The following DNAH5 variants were observed in gnomAD, a reference collection of about 807,000 sequenced individuals.
The protein encoded by DNAH5 is dynein axonemal heavy chain 5.
DNAH5 carries 372 observed loss-of-function variants against 518.2 expected under a neutral mutation model. That is an observed-to-expected ratio of 0.72 (90% CI 0.66 to 0.78). The LOEUF is 0.78. Ranked by LOEUF, DNAH5 falls within the 30% of genes least tolerant of loss-of-function variation. The pLI is 0.00. For synonymous variants in DNAH5, 2,039 were observed against 2,025.9 expected, an observed-to-expected ratio of 1.01 and a Z score of -0.17; for missense variants, 5,523 against 5,687.0, an observed-to-expected ratio of 0.97 and a Z score of 0.93.
At chr5:13,842,535 C>T (rs983952543) in intron 32 of DNAH5, among the ~76,000 whole-genome samples, 1 of 151,070 alleles carries the variant, frequency 6.6e-6, no homozygotes, top group Non-Finnish European at 1.5e-5. Context: ...TCCAAATAAA[C>T]CATACTGTAA....
chr5:13,914,028 G>C, intron 10 of DNAH5, 70 bp from the exon 11 acceptor site: 1 of 1,545,338 alleles, frequency 6.5e-7, no homozygotes, highest in Non-Finnish European at 8.8e-7. Flanking sequence ...CTTAAGTGAA[G>C]GCGACAGCAA....
At chr5:13,770,141 G>C (rs2401807) in intron 56 of DNAH5, among the ~76,000 whole-genome samples, 12 of 152,004 alleles carry the variant, frequency 7.9e-5, no homozygotes, top group African/African-American at 2.9e-4. Context: ...TCGTGTAACT[G>C]CCCACCCAGG....
intron 1 of DNAH5, among the ~76,000 whole-genome samples, chr5:13,935,716 A>G (rs1778860625): frequency 6.6e-6 from 1 of 152,206 alleles, no homozygotes; most frequent in African/African-American, 2.4e-5. Context: ...TGCACTGTCA[A>G]TCCGCAGACC....
At chr5:13,927,086 T>C (rs1777954471) in intron 3 of DNAH5, among the ~76,000 whole-genome samples, 1 of 152,010 alleles carries the variant, frequency 6.6e-6, no homozygotes, top group South Asian at 2.1e-4. Context: ...AATATTTTAA[T>C]ATATTAAATA....
At chr5:13,893,239 G>T (rs1485823023) in intron 16 of DNAH5, among the ~76,000 whole-genome samples, 1 of 152,132 alleles carries the variant, frequency 6.6e-6, no homozygotes, top group Admixed American at 6.5e-5. Flanking sequence ...GAGACCTGAG[G>T]GGCGGAGTTG....
chr5:13,840,609 G>T (rs1305416858), intron 34 of DNAH5, among the ~76,000 whole-genome samples: 1 of 152,212 alleles, frequency 6.6e-6, no homozygotes, highest in Non-Finnish European at 1.5e-5. Flanking sequence ...AAGCGAAAAA[G>T]ATGTATGAAG....
At chr5:13,759,322 C>T (rs1047735206) in intron 60 of DNAH5, among the ~76,000 whole-genome samples, 1 of 152,204 alleles carries the variant, frequency 6.6e-6, no homozygotes, top group Non-Finnish European at 1.5e-5. Flanking sequence ...TCTTATTTCA[C>T]AAGCCATCCA....
chr5:14,001,172 A>C (rs902150706), intron 1 of DNAH5, among the ~76,000 whole-genome samples: 1 of 152,218 alleles, frequency 6.6e-6, no homozygotes, highest in Non-Finnish European at 1.5e-5. Context: ...ACAAGTGCTG[A>C]AAAACTATTT....
chr5:13,767,576 G>C (rs1752682579), intron 58 of DNAH5, among the ~76,000 whole-genome samples: 1 of 152,214 alleles, frequency 6.6e-6, no homozygotes, highest in Non-Finnish European at 1.5e-5. Flanking sequence ...AGCCAGTGAG[G>C]AAAGTAGGGT....
Position 13,906,048 on chromosome 5 carries a change from C to T in DNAH5, c.1645-3910G>A, listed in dbSNP as rs558698719. On this transcript the variant is annotated intron_variant, in intron 12 of 78. Transcript: ENST00000265104. ...TAAAAGGGCATATTCTGTATGCTTCCGACTAGATGGAAAAGGCAAAACTAC... is the reference window on the plus strand; with the variant it reads ...TAAAAGGGCATATTCTGTATGCTTCTGACTAGATGGAAAAGGCAAAACTAC... 1.4e-4 allele frequency among the ~76,000 whole-genome samples: 21 copies of T among 152,182 alleles called. 1 individual carries two copies. The South Asian group carries it at 2.5e-3, about 18-fold the overall frequency.
In DNAH5 at chr5:13,920,276, A is replaced by G. The variant is rs116438252; in HGVS notation, c.798+204T>C. 5.0e-3 allele frequency among the ~76,000 whole-genome samples: 769 copies of G among 152,372 alleles called. 3 individuals are homozygous for G. The highest frequency in any genetic ancestry group is 0.031 in the South Asian group (150 of 4,830). ...GCGTTTGAGTGATATAAGTATATGC[A>G]GCCATTTTCTTTCATTTCTTAGAAT... On this transcript the variant is annotated intron_variant, in intron 6 of 78. Coordinates refer to ENST00000265104, the MANE Select transcript of DNAH5 (RefSeq NM_001369.3).
At chr5:13,995,285 T>A (rs1783860436) in intron 1 of DNAH5, among the ~76,000 whole-genome samples, 1 of 152,330 alleles carries the variant, frequency 6.6e-6, no homozygotes, top group Middle Eastern at 3.4e-3. Context: ...GACAATGCCC[T>A]GATGTCCAAA....
At chr5:13,773,035 T>C (rs78044480) in intron 55 of DNAH5, among the ~76,000 whole-genome samples, 1,878 of 152,292 alleles carry the variant, frequency 0.012, 30 homozygotes, top group African/African-American at 0.043. Context: ...CAGGTTAGTA[T>C]TGGGTGTGGA....
At chr5:14,008,032 T>TCTCTA (rs1458342302) in intron 1 of DNAH5, among the ~76,000 whole-genome samples, 9 of 151,284 alleles carry the variant, frequency 5.9e-5, no homozygotes, top group South Asian at 2.1e-4. Context: ...AATTAGCAGG[T>TCTCTA]GTAATGGCAC....
chr5:13,879,717 AAC>A (rs1210225595), intron 21 of DNAH5, among the ~76,000 whole-genome samples: 1 of 152,074 alleles, frequency 6.6e-6, no homozygotes, highest in Non-Finnish European at 1.5e-5. Context: ...TAGAAAAAAA[AAC>A]AGTGGATTCA....
intron 59 of DNAH5, 93 bp downstream of exon 59, chr5:13,765,882 TA>T: frequency 7.9e-7 from 1 of 1,257,930 alleles, no homozygotes; most frequent in Non-Finnish European, 1.2e-6. Context: ...GTATGTAGAG[TA>T]AGTTCTTTTT....
intron 52 of DNAH5, among the ~76,000 whole-genome samples, chr5:13,783,861 G>A (rs1422849512): frequency 1.3e-5 from 2 of 152,158 alleles, no homozygotes; most frequent in Admixed American, 6.5e-5. Context: ...GAAGCGCTGT[G>A]CACAGAAAAT....
At chr5:13,754,780 C>T (rs1330999091) in intron 61 of DNAH5, among the ~76,000 whole-genome samples, 20 of 152,034 alleles carry the variant, frequency 1.3e-4, no homozygotes, top group South Asian at 4.2e-4. Flanking sequence ...TCAGGTGATC[C>T]GCCAACCTAA....
chr5:13,799,451 C>T (rs1046567763), intron 47 of DNAH5, among the ~76,000 whole-genome samples: 3 of 152,120 alleles, frequency 2.0e-5, no homozygotes, highest in Admixed American at 6.5e-5. Context: ...TCTTCCCCTC[C>T]ACTGTAACCC....
Sources: allele counts gnomAD v4.1 joint callset (sites outside exome capture counted in the v4.1 genomes callset), GRCh38; gene constraint gnomAD v4.1.1; transcripts MANE v1.5; gene names NCBI Gene and HGNC (gene_info 2026-07-23, HGNC 2026-07-21).